PFKFB3: variants seen among roughly 807,000 people sequenced by gnomAD.
The protein encoded by PFKFB3 is 6-phosphofructo-2-kinase/fructose-2,6-bisphosphatase 3.
In PFKFB3, 33 loss-of-function variants were observed where a neutral mutation model predicts 68.0. The ratio of observed to expected loss-of-function variants is 0.49; its 90% CI spans 0.37 to 0.65. PFKFB3 has a LOEUF of 0.65. Among genes scored for constraint, PFKFB3 ranks in the 30% least tolerant of loss-of-function variants. PFKFB3 has a pLI of 0.00. For synonymous variants in PFKFB3, 315 were observed against 288.2 expected, an observed-to-expected ratio of 1.09 and a Z score of -0.94; for missense variants, 586 against 712.2, an observed-to-expected ratio of 0.82 and a Z score of 2.02.
In PFKFB3 at chr10:6,172,816, C is replaced by T. The variant is rs1842353007; in HGVS notation, c.16+27803C>T. Among the ~76,000 whole-genome samples the T allele has an allele frequency of 7.6e-5, 11 of 145,682 alleles. No homozygotes were observed. The South Asian group carries it at 2.0e-3, about 26-fold the overall frequency. On this transcript the variant is annotated intron_variant, in intron 1 of 14. Transcript: ENST00000379789. ...CAGCCTGGGCCACAGAACAAGACTT[C>T]ATCTCAGAAAAAAAAAAAAAAGTTC...
chr10:6,213,654 C>G lies in PFKFB3; in HGVS notation c.108C>G (p.Thr36=). The G allele has an allele frequency of 1.2e-6, 2 of 1,613,232 alleles. No homozygotes were observed. The highest frequency in any genetic ancestry group is 8.5e-7 in the Non-Finnish European group (1 of 1,179,664). Residue 36 remains threonine, a synonymous_variant, in exon 2 of 15, where the codon ACC becomes ACG. Coordinates refer to ENST00000379775, the MANE Select transcript of PFKFB3 (RefSeq NM_004566.4). ...SCGPKLTNSP[T]VIVMVGLPAR... ...GGCCAAAGCTGACCAACTCCCCCAC[C>G]GTCATCGTCATGGTGGGCCTCCCCG...
chr10:6,286,664 C>T, the PFKFB3 span, among the ~76,000 whole-genome samples: 6 of 152,354 alleles, frequency 3.9e-5, no homozygotes, highest in Admixed American at 3.9e-4. Context: ...ACATATGAGC[C>T]ACTGTGCCCA....
intron 14 of PFKFB3, among the ~76,000 whole-genome samples, chr10:6,242,969 T>C: frequency 6.6e-6 from 1 of 152,232 alleles, no homozygotes; most frequent in East Asian, 1.9e-4. Flanking sequence ...GTTTTTCCAG[T>C]GAGGCTTTTA....
chr10:6,257,713 G>A (rs994391238), downstream of PFKFB3, among the ~76,000 whole-genome samples: 1 of 152,206 alleles, frequency 6.6e-6, no homozygotes, highest in African/African-American at 2.4e-5. Flanking sequence ...CCTGCGATGA[G>A]GGTTTCTGTG....
chr10:6,323,427 G>A, the PFKFB3 span, among the ~76,000 whole-genome samples: 7 of 152,186 alleles, frequency 4.6e-5, no homozygotes, highest in Admixed American at 2.6e-4. Flanking sequence ...ACAGGCTAGT[G>A]TCTTTGGCAG....
chr10:6,307,330 TACACACACACACACACACAC>T, the PFKFB3 span, among the ~76,000 whole-genome samples: 4 of 99,186 alleles, frequency 4.0e-5, no homozygotes, highest in Admixed American at 2.9e-4. Flanking sequence ...GCATGCGTAC[TACACACACACACACACACAC>T]ACACACACAC....
chr10:6,282,167 T>G, the PFKFB3 span, among the ~76,000 whole-genome samples: 1 of 152,072 alleles, frequency 6.6e-6, no homozygotes, highest in Non-Finnish European at 1.5e-5. Flanking sequence ...ACAATGGAGA[T>G]GATTGTGTGC....
chr10:6,269,023 CAAAA>C, the PFKFB3 span, among the ~76,000 whole-genome samples: 9 of 93,182 alleles, frequency 9.7e-5, no homozygotes, highest in Non-Finnish European at 1.3e-4. Flanking sequence ...GATCCTGTCT[CAAAA>C]AAAAAAAAAA....
chr10:6,183,854 A>AT (rs893037929), intron 1 of PFKFB3, among the ~76,000 whole-genome samples: 11 of 148,984 alleles, frequency 7.4e-5, no homozygotes, highest in East Asian at 4.0e-4. Context: ...CGCCCGGCTA[A>AT]TTTTTTTTTA....
In PFKFB3 at chr10:6,231,160, A is replaced by G. The variant is rs938464883; in HGVS notation, c.1516-1735A>G. On this transcript the variant is annotated intron_variant, in intron 14 of 14. Coordinates refer to ENST00000379775, the MANE Select transcript of PFKFB3 (RefSeq NM_004566.4). ...ACCTGGCATTTGTGATGCAACCTTCATTTTTAAAATTTCAAATGCACACTA... is the reference window on the plus strand; with the variant it reads ...ACCTGGCATTTGTGATGCAACCTTCGTTTTTAAAATTTCAAATGCACACTA... The G allele has an allele frequency of 5.7e-6, 5 of 881,326 alleles. No individual in the cohort carries two copies. The African/African-American group carries it at 6.6e-5, about 12-fold the overall frequency. 54.6% of individuals were successfully genotyped at this position (881,326 alleles called of 1,614,324 possible).
rs867306288 is a variant in PFKFB3, at chr10:6,154,038, G to A, written c.16+9025G>A. Among the ~76,000 whole-genome samples the A allele has an allele frequency of 2.0e-5, 3 of 152,146 alleles. No individual in the cohort carries two copies. Among genetic ancestry groups the A allele is most frequent in the South Asian group, 2.1e-4 (1 of 4,832 alleles). ...TCCAAATAGGGAAGTGCGAGGCAAA[G>A]GTCCTGTGGCCAGAGCGGCTGAGTG... On this transcript the variant is annotated intron_variant, in intron 1 of 14. Transcript: ENST00000379789. The surrounding 1 kb of genome is among the most constrained non-coding windows in gnomAD (Gnocchi z 4.6).
the PFKFB3 span, among the ~76,000 whole-genome samples, chr10:6,265,767 T>A: frequency 6.6e-6 from 1 of 152,214 alleles, no homozygotes; most frequent in Non-Finnish European, 1.5e-5. Flanking sequence ...TCACTGATGA[T>A]TCTTGTCTCA....
the PFKFB3 span, among the ~76,000 whole-genome samples, chr10:6,321,387 C>CTCTTT: frequency 0.86 from 130,054 of 151,572 alleles, 55,961 homozygotes; most frequent in Middle Eastern, 0.91. Context: ...TAATTTCATT[C>CTCTTT]TAATTCAGTA....
At chr10:6,164,157 G>T (rs1038522707) in intron 1 of PFKFB3, 1 of 152,314 alleles carries the variant, frequency 6.6e-6, no homozygotes, top group Non-Finnish European at 1.5e-5. Flanking sequence ...TGAGGGCGCG[G>T]GAGAAGTGGG....
intron 1 of PFKFB3, among the ~76,000 whole-genome samples, chr10:6,193,574 C>T (rs755312456): frequency 3.3e-5 from 5 of 152,122 alleles, no homozygotes; most frequent in African/African-American, 7.2e-5. Context: ...CTCAGGTGTC[C>T]GTGTGGAGAG....
chr10:6,231,127 G>A (rs928318908), intron 14 of PFKFB3: 10 of 704,910 alleles, frequency 1.4e-5, no homozygotes, highest in Middle Eastern at 2.4e-4. Flanking sequence ...GCTTGGGATC[G>A]AGAGATCACC....
chr10:6,281,937 T>A, the PFKFB3 span, among the ~76,000 whole-genome samples: 1 of 150,906 alleles, frequency 6.6e-6, no homozygotes, highest in Non-Finnish European at 1.5e-5. Flanking sequence ...GAATAAATCC[T>A]GAAGGACTCA....
At chr10:6,148,701 C>T (rs1375742850) in intron 1 of PFKFB3, among the ~76,000 whole-genome samples, 1 of 152,156 alleles carries the variant, frequency 6.6e-6, no homozygotes, top group Admixed American at 6.6e-5. Context: ...AGAGGAAAGT[C>T]ATGCATATCA....
At chr10:6,324,069 G>A in the PFKFB3 span, among the ~76,000 whole-genome samples, 5 of 152,286 alleles carry the variant, frequency 3.3e-5, no homozygotes, top group African/African-American at 1.2e-4. Context: ...CAGTGTCCAT[G>A]GATAGACAAA....
Sources: allele counts gnomAD v4.1 joint callset (sites outside exome capture counted in the v4.1 genomes callset), GRCh38; gene constraint gnomAD v4.1.1; non-coding constraint Gnocchi (gnomAD v3.1); transcripts MANE v1.5; gene names NCBI Gene and HGNC (gene_info 2026-07-23, HGNC 2026-07-21).